Variants in MFHAS1 observed in about 807,000 individuals in gnomAD.
MFHAS1 encodes the protein malignant fibrous histiocytoma-amplified sequence 1.
In MFHAS1, 50 loss-of-function variants were observed where a neutral mutation model predicts 70.4. That is an observed-to-expected ratio of 0.71 (90% CI 0.57 to 0.90). The LOEUF is 0.90. MFHAS1 is among the 40% of genes least tolerant of loss of function. MFHAS1 has a pLI of 0.00. For missense variants in MFHAS1, 1,795 were observed against 1,347.6 expected, an observed-to-expected ratio of 1.33 and a Z score of -5.20; for synonymous variants, 952 against 620.0, an observed-to-expected ratio of 1.54 and a Z score of -7.96.
chr8:8,815,574 T>C (rs147509279), intron 1 of MFHAS1, among the ~76,000 whole-genome samples: 114 of 152,370 alleles, frequency 7.5e-4, no homozygotes, highest in African/African-American at 2.6e-3. Flanking sequence ...TGGTGTGAGA[T>C]GGTATCTCAT....
At chr8:8,799,368 T>C (rs775100400) in intron 1 of MFHAS1, among the ~76,000 whole-genome samples, 5 of 152,220 alleles carry the variant, frequency 3.3e-5, no homozygotes, top group Non-Finnish European at 5.9e-5. Context: ...CCACAGTTGA[T>C]TGCAGGTAAC....
At chr8:8,858,232 T>A (rs71514514) in intron 1 of MFHAS1, among the ~76,000 whole-genome samples, 1 of 152,090 alleles carries the variant, frequency 6.6e-6, no homozygotes, top group Non-Finnish European at 1.5e-5. Flanking sequence ...ATGCCAAGCA[T>A]TGTCTTAGGC....
intron 1 of MFHAS1, among the ~76,000 whole-genome samples, chr8:8,819,076 G>T (rs77776064): frequency 1.3e-5 from 2 of 151,934 alleles, no homozygotes; most frequent in Admixed American, 1.3e-4. Flanking sequence ...GCTAAATAAA[G>T]TCGGCTTATA....
At chr8:8,794,453 A>G (rs1298905832) in intron 2 of MFHAS1, among the ~76,000 whole-genome samples, 3 of 152,068 alleles carry the variant, frequency 2.0e-5, no homozygotes, top group African/African-American at 4.8e-5. Context: ...CGGCCTCCAC[A>G]TGAGTTTGTT....
At chr8:8,873,833 T>C (rs1489380392) in intron 1 of MFHAS1, among the ~76,000 whole-genome samples, 1 of 152,230 alleles carries the variant, frequency 6.6e-6, no homozygotes, top group Admixed American at 6.5e-5. Context: ...ATTTCTTACA[T>C]GGACAGAACA....
At chr8:8,812,380 G>A (rs114256796) in intron 1 of MFHAS1, among the ~76,000 whole-genome samples, 256 of 152,278 alleles carry the variant, frequency 1.7e-3, no homozygotes, top group African/African-American at 5.8e-3. Context: ...CTGGGTCCCA[G>A]GGTGGTGGGC....
chr8:8,822,734 G>GAAGGGGTTGGA, intron 1 of MFHAS1, among the ~76,000 whole-genome samples: 1 of 148,474 alleles, frequency 6.7e-6, no homozygotes, highest in African/African-American at 2.5e-5. Context: ...GGGAGACTGA[G>GAAGGGGTTGGA]ATGAGGACAG....
At chr8:8,840,923 A>G (rs1807797794) in intron 1 of MFHAS1, among the ~76,000 whole-genome samples, 1 of 152,232 alleles carries the variant, frequency 6.6e-6, no homozygotes, top group African/African-American at 2.4e-5. Flanking sequence ...TACACTTCTT[A>G]CACAAGAGCA....
chr8:8,882,450 C>G (rs1809564883), intron 1 of MFHAS1, among the ~76,000 whole-genome samples: 1 of 151,418 alleles, frequency 6.6e-6, no homozygotes, highest in African/African-American at 2.4e-5. Flanking sequence ...ACTTGCCAGG[C>G]ATCAATTAAG....
chr8:8,859,911 G>A (rs1563207990), intron 1 of MFHAS1: 2 of 152,166 alleles, frequency 1.3e-5, no homozygotes, highest in Non-Finnish European at 2.9e-5. Context: ...AATTTTAAGT[G>A]ATATCTGGTA....
At chr8:8,884,041 AACACACAC>A (rs10660555) in intron 1 of MFHAS1, among the ~76,000 whole-genome samples, 18 of 134,170 alleles carry the variant, frequency 1.3e-4, no homozygotes, top group South Asian at 5.2e-4. Flanking sequence ...CTATTTCACA[AACACACAC>A]ACACACACAC....
chr8:8,889,798 G>T (rs1386306096), intron 1 of MFHAS1, among the ~76,000 whole-genome samples: 1 of 152,192 alleles, frequency 6.6e-6, no homozygotes, highest in Admixed American at 6.5e-5. Flanking sequence ...GACAAGAGGG[G>T]AAAGGAGATG....
Position 8,783,885 on chromosome 8 carries a change from T to G in MFHAS1, c.*2137A>C, listed in dbSNP as rs1358898470. The G allele has an allele frequency of 6.6e-6, 1 of 152,198 alleles. No individual in the cohort carries two copies. Among genetic ancestry groups the G allele is most frequent in the Non-Finnish European group, 1.5e-5 (1 of 68,030 alleles). 9.4% of individuals were successfully genotyped at this position (152,198 alleles called of 1,614,324 possible). A position where few individuals can be genotyped will look rare whatever the true frequency, so the allele number is the denominator to read the frequency against. On this transcript the variant is annotated 3_prime_UTR_variant, in exon 3 of 3. Transcript: ENST00000276282. ...AACTTGAAACAAATTCTCAAGCTTC[T>G]CTGGAGCATCTTTTGGTCACATGAC... is the stretch of plus-strand genomic sequence containing the variant.
intron 1 of MFHAS1, among the ~76,000 whole-genome samples, chr8:8,882,704 C>G (rs891020951): frequency 3.9e-5 from 6 of 152,224 alleles, no homozygotes; most frequent in African/African-American, 1.4e-4. Context: ...CTGCCCTGTG[C>G]CAGGCATTGC....
At chr8:8,887,017 C>T (rs1366647486) in intron 1 of MFHAS1, among the ~76,000 whole-genome samples, 1 of 152,140 alleles carries the variant, frequency 6.6e-6, no homozygotes, top group African/African-American at 2.4e-5. Context: ...ATTCCAGCTA[C>T]TTGGGAGGCT....
intron 1 of MFHAS1, among the ~76,000 whole-genome samples, chr8:8,889,500 G>A (rs542959915): frequency 7.2e-4 from 109 of 152,304 alleles, no homozygotes; most frequent in African/African-American, 2.5e-3. Context: ...GTGCTTAAAT[G>A]CTTGAGGGGA....
At chr8:8,799,119 C>T in intron 1 of MFHAS1, among the ~76,000 whole-genome samples, 1 of 151,950 alleles carries the variant, frequency 6.6e-6, no homozygotes, top group Non-Finnish European at 1.5e-5. Flanking sequence ...CCTTATCCCT[C>T]AGACATGCGT....
chr8:8,862,934 C>T (rs1011804310), intron 1 of MFHAS1, among the ~76,000 whole-genome samples: 2 of 152,206 alleles, frequency 1.3e-5, no homozygotes, highest in African/African-American at 4.8e-5. Flanking sequence ...CTGAAGGTCA[C>T]TAAGAGTTTC....
chr8:8,886,223 T>A (rs915133598), intron 1 of MFHAS1, among the ~76,000 whole-genome samples: 1 of 152,034 alleles, frequency 6.6e-6, no homozygotes, highest in Non-Finnish European at 1.5e-5. Flanking sequence ...CAGAGTGCAA[T>A]GGCACAATCA....
Sources: gnomAD v4.1 joint callset for allele counts (sites outside exome capture counted in the v4.1 genomes callset) on GRCh38, gnomAD v4.1.1 for gene constraint, MANE v1.5 for transcripts, NCBI Gene and HGNC (gene_info 2026-07-23, HGNC 2026-07-21) for gene names.